PRDM6: variants seen among roughly 807,000 people sequenced by gnomAD.
PRDM6 encodes the protein PR/SET domain 6, also known as putative histone-lysine N-methyltransferase PRDM6.
In PRDM6, 25 loss-of-function variants were observed where a neutral mutation model predicts 60.8. The ratio of observed to expected loss-of-function variants is 0.41; its 90% CI spans 0.30 to 0.57. The LOEUF is 0.57. Ranked by LOEUF, PRDM6 falls within the 20% of genes least tolerant of loss-of-function variation. The pLI, the probability that PRDM6 is intolerant of heterozygous loss-of-function variation, is 0.27. For missense variants in PRDM6, 839 were observed against 821.3 expected (o/e 1.02, Z -0.26); for synonymous variants, 407 against 357.4 (o/e 1.14, Z -1.57).
chr5:123,095,182 AGAG>A (rs1453240933), intron 2 of PRDM6, among the ~76,000 whole-genome samples: 1 of 152,082 alleles, frequency 6.6e-6, no homozygotes. Flanking sequence ...CCTGCCGGGT[AGAG>A]GAGGAGGGCC....
chr5:123,192,923 G>GT lies in PRDM6; in HGVS notation c.*5725dup, dbSNP rs1766459097. 6.6e-6 allele frequency: 1 copy of GT among 152,208 alleles called. No individual in the cohort carries two copies. The highest frequency in any genetic ancestry group is 1.5e-5 in the Non-Finnish European group (1 of 68,052). The allele number at this position is 152,208 out of a possible 1,614,324, so 9.4% of individuals were successfully genotyped here. On this transcript the variant is annotated 3_prime_UTR_variant, in exon 8 of 8. Coordinates refer to ENST00000407847, the MANE Select transcript of PRDM6 (RefSeq NM_001136239.4). ...AAAGACTGGAGTCATTATAGGTTTG[G>GT]TTTGTCAAAGGCACAGATAGTGTAG...
intron 2 of PRDM6, among the ~76,000 whole-genome samples, chr5:123,094,721 C>A (rs1386423916): frequency 6.6e-6 from 1 of 152,122 alleles, no homozygotes; most frequent in African/African-American, 2.4e-5. Context: ...CCAGCCCAGA[C>A]CCGCTTCGAT....
chr5:123,179,232 G>C (rs2126889445), intron 6 of PRDM6, among the ~76,000 whole-genome samples: 1 of 152,308 alleles, frequency 6.6e-6, no homozygotes, highest in Middle Eastern at 3.4e-3. Flanking sequence ...AATGTGCTCT[G>C]ATAATCTTGC....
At chr5:123,155,759 A>G (rs1765480476) in intron 3 of PRDM6, 125 bp from the exon 4 acceptor site, 1 of 1,034,004 alleles carries the variant, frequency 9.7e-7, no homozygotes, top group Non-Finnish European at 1.4e-6. Flanking sequence ...ACAAGCATCA[A>G]TAAGCACTAG....
intron 3 of PRDM6, among the ~76,000 whole-genome samples, chr5:123,151,351 C>T (rs335148): frequency 0.72 from 109,327 of 152,032 alleles, 39,446 homozygotes; most frequent in Non-Finnish European, 0.75. Context: ...GGAACCCGTT[C>T]GGGGAGGAGC....
At chr5:123,090,986 T>G (rs2150203857) in intron 2 of PRDM6, among the ~76,000 whole-genome samples, 1 of 152,130 alleles carries the variant, frequency 6.6e-6, no homozygotes, top group Non-Finnish European at 1.5e-5. Flanking sequence ...GGTGTCTGGG[T>G]CAGGCCCTGC....
intron 3 of PRDM6, among the ~76,000 whole-genome samples, chr5:123,146,238 A>G (rs967550577): frequency 2.0e-5 from 3 of 152,186 alleles, no homozygotes; most frequent in Admixed American, 6.5e-5. Flanking sequence ...TCTATTTGGT[A>G]TTGTACCCAC....
chr5:123,113,649 G>A (rs972341971), intron 3 of PRDM6, among the ~76,000 whole-genome samples: 7 of 152,116 alleles, frequency 4.6e-5, no homozygotes, highest in Admixed American at 1.3e-4. Flanking sequence ...TTTGCTTTCT[G>A]CCCCTTCTCA....
In PRDM6 at chr5:123,099,556, C is replaced by T. The variant is rs994499039; in HGVS notation, c.593-98C>T. 2.6e-6 allele frequency: 3 copies of T among 1,137,448 alleles called. No individual in the cohort carries two copies. Among genetic ancestry groups the T allele is most frequent in the African/African-American group, 1.6e-5 (1 of 61,342 alleles). 70.5% of individuals were successfully genotyped at this position (1,137,448 alleles called of 1,614,324 possible). The stretch of plus-strand genomic sequence containing the variant: ...CTCGAAGGTGGCTTACCCAGGCGGG[C>T]GGTGATGCTGTTGTCTCGGGAGTTT... On this transcript the variant is annotated intron_variant, in intron 2 of 7. Transcript: ENST00000407847. This position sits in a 1 kb window ranked among gnomAD's most constrained non-coding sequence, Gnocchi z 4.0.
At chr5:123,095,692 T>C (rs1277344977) in intron 2 of PRDM6, among the ~76,000 whole-genome samples, 1 of 152,236 alleles carries the variant, frequency 6.6e-6, no homozygotes, top group Non-Finnish European at 1.5e-5. Context: ...AAGCAGGCTT[T>C]TCACCTACTC....
At chr5:123,105,765 C>T (rs1214157906) in intron 3 of PRDM6, among the ~76,000 whole-genome samples, 6 of 152,226 alleles carry the variant, frequency 3.9e-5, no homozygotes, top group Admixed American at 1.3e-4. Flanking sequence ...TATATTTACA[C>T]AGGAAATACA....
chr5:123,156,663 C>A (rs919700800), intron 4 of PRDM6, among the ~76,000 whole-genome samples: 1 of 152,140 alleles, frequency 6.6e-6, no homozygotes, highest in Non-Finnish European at 1.5e-5. Context: ...CAGAGGATAA[C>A]AAAGGCAGGG....
chr5:123,145,716 C>G (rs960753799), intron 3 of PRDM6, among the ~76,000 whole-genome samples: 1 of 143,092 alleles, frequency 7.0e-6, no homozygotes, highest in African/African-American at 2.6e-5. Flanking sequence ...AATGTCTTCT[C>G]AATTATTTAA....
intron 3 of PRDM6, among the ~76,000 whole-genome samples, chr5:123,119,085 A>G (rs565032045): frequency 1.3e-5 from 2 of 152,286 alleles, no homozygotes; most frequent in African/African-American, 4.8e-5. Context: ...TGGTGTTCAT[A>G]TGATAGTAGC....
chr5:123,175,788 A>G (rs1319802622), intron 6 of PRDM6, among the ~76,000 whole-genome samples: 4 of 152,192 alleles, frequency 2.6e-5, no homozygotes, highest in African/African-American at 9.6e-5. Flanking sequence ...AAGCCAAACC[A>G]TACTTAATTT....
intron 3 of PRDM6, among the ~76,000 whole-genome samples, chr5:123,119,019 A>C (rs569738766): frequency 1.3e-5 from 2 of 152,280 alleles, no homozygotes; most frequent in South Asian, 4.1e-4. Context: ...GGAAACAAAC[A>C]AAAAACAAAG....
rs1488703255 is a variant in PRDM6, at chr5:123,104,469, T to C, written c.900+4508T>C. ...AGTACTGTAATTATATATTCCATAT[T>C]CTGCTTTATAGACTTTGGCTCATTT... is the stretch of plus-strand genomic sequence containing the variant. On this transcript the variant is annotated intron_variant, in intron 3 of 7. Coordinates refer to ENST00000407847, the MANE Select transcript of PRDM6 (RefSeq NM_001136239.4). Among the ~76,000 whole-genome samples the C allele has an allele frequency of 2.1e-4, 32 of 152,158 alleles. 1 individual carries two copies. The highest frequency in any genetic ancestry group is 2.1e-3 in the Admixed American group (32 of 15,268).
At chr5:123,120,384 C>G (rs867330111) in intron 3 of PRDM6, among the ~76,000 whole-genome samples, 1 of 152,142 alleles carries the variant, frequency 6.6e-6, no homozygotes, top group African/African-American at 2.4e-5. Flanking sequence ...TGATGTTTGT[C>G]CTATCCTCTG....
intron 3 of PRDM6, among the ~76,000 whole-genome samples, chr5:123,124,269 A>G (rs1764646633): frequency 6.6e-6 from 1 of 152,320 alleles, no homozygotes; most frequent in African/African-American, 2.4e-5. Flanking sequence ...TTCATTGTAG[A>G]TGTCCAGCAG....
Sources: gnomAD v4.1 joint callset for allele counts (sites outside exome capture counted in the v4.1 genomes callset) on GRCh38, gnomAD v4.1.1 for gene constraint, Gnocchi (gnomAD v3.1) non-coding constraint, MANE v1.5 for transcripts, NCBI Gene and HGNC (gene_info 2026-07-23, HGNC 2026-07-21) for gene names.